TONSL: variants seen among roughly 807,000 people sequenced by gnomAD.
TONSL encodes tonsoku like, DNA repair protein.
TONSL carries 112 observed loss-of-function variants against 147.1 expected under a neutral mutation model. The observed-to-expected ratio is 0.76, with a 90% CI of 0.65 to 0.89. TONSL has a LOEUF of 0.89. Ranked by LOEUF, TONSL falls within the 40% of genes least tolerant of loss-of-function variation. TONSL has a pLI of 0.00. For missense variants in TONSL, 1,883 were observed against 1,864.6 expected (o/e 1.01, Z -0.18); for synonymous variants, 868 against 801.5 (o/e 1.08, Z -1.40).
chr8:144,441,169 C>A, intron 7 of TONSL, 58 bp from the exon 8 acceptor site: 1 of 1,592,886 alleles, frequency 6.3e-7, no homozygotes, highest in Non-Finnish European at 8.6e-7. Context: ...CCCAGCTCTA[C>A]CACCTGCAAG....
At position 144,440,092 on chromosome 8, in the gene TONSL, T is replaced by G. The variant is rs1033019360; in HGVS notation, c.1409A>C (p.Glu470Ala). 1.4e-5 allele frequency: 23 copies of G among 1,603,456 alleles called. No individual in the cohort carries two copies. In the Middle Eastern group the frequency reaches 9.9e-4, roughly 69 times the overall value. The change falls in exon 11 of 26, where the codon GAG becomes GCG. Residue 470 changes from glutamate to alanine, a missense_variant. Physicochemically the swap from Glu to Ala is moderately radical, Grantham distance 107 (BLOSUM62 -1). Coordinates refer to ENST00000409379, the MANE Select transcript of TONSL (RefSeq NM_013432.5). Reference sequence around the variant, plus strand: ...CGCTGTGGCTGCCGCCTCCTCCGCCTCCTCCTCCTCATCTTCATCTTCAGC... The same window carrying G: ...CGCTGTGGCTGCCGCCTCCTCCGCCGCCTCCTCCTCATCTTCATCTTCAGC... ...SVAEDEDEEE[E>A]AEEAAATAES... is the part of the protein sequence containing the mutation.
Position 144,443,211 on chromosome 8 carries a change from C to G in TONSL, c.375G>C (p.Gln125His). ...RTHLDIYDHC[Q>H]SRDALLQAQA... ...GTGCCTGCAGCAAAGCATCCCTCGA[C>G]TGGCAGTGGTCATAGATGTCCAGGT... The change falls in exon 4 of 26, where the codon CAG becomes CAC. Residue 125 changes from glutamine to histidine, a missense_variant. Coordinates refer to ENST00000409379, the MANE Select transcript of TONSL (RefSeq NM_013432.5). 1 of 1,550,830 alleles carries G rather than the reference C, an allele frequency of 6.4e-7. No individual in the cohort carries two copies. Among genetic ancestry groups the G allele is most frequent in the South Asian group, 1.2e-5 (1 of 84,066 alleles).
chr8:144,439,698 G>A (rs1823625469), intron 11 of TONSL: 1 of 402,124 alleles, frequency 2.5e-6, no homozygotes, highest in Non-Finnish European at 4.5e-6. Context: ...AAGGTGCTCA[G>A]CTCTTGCAGA....
intron 11 of TONSL, among the ~76,000 whole-genome samples, chr8:144,439,301 C>T (rs1359119039): frequency 6.6e-6 from 1 of 152,190 alleles, no homozygotes; most frequent in Admixed American, 6.5e-5. Context: ...CAGCTCCTCA[C>T]TGTGCCCACC....
At position 144,429,278 on chromosome 8, in the gene TONSL, G is replaced by A; in HGVS notation, c.4002C>T (p.Leu1334=). Residue 1334 remains leucine, a synonymous_variant, in exon 26 of 26, where the codon CTC becomes CTT. Coordinates refer to ENST00000409379, the MANE Select transcript of TONSL (RefSeq NM_013432.5). ...LGLWDKIAAQ[L]RELQLCSRRL... ...GTCTGCTGCACAGCTGCAGTTCCCG[G>A]AGCTGCGCGGCTATCTTGTCCCACA... The A allele has an allele frequency of 6.6e-7, 1 of 1,516,122 alleles. No homozygotes were observed. Among genetic ancestry groups the A allele is most frequent in the Non-Finnish European group, 8.8e-7 (1 of 1,130,284 alleles). 93.9% of individuals were successfully genotyped at this position (1,516,122 alleles called of 1,614,324 possible).
intron 25 of TONSL, 60 bp from the exon 26 acceptor site, chr8:144,429,396 G>T: frequency 4.5e-6 from 6 of 1,342,306 alleles, no homozygotes; most frequent in Non-Finnish European, 5.8e-6. Flanking sequence ...CCTGGTGCCC[G>T]CGGCAGGCTC....
chr8:144,435,348 G>C, intron 18 of TONSL, 126 bp downstream of exon 18: 1 of 1,227,346 alleles, frequency 8.1e-7, no homozygotes, highest in Non-Finnish European at 1.1e-6. Flanking sequence ...ATTCCTGGGG[G>C]CCACAGGATC....
Position 144,431,438 on chromosome 8 carries a change from G to A in TONSL, c.3736-287C>T, listed in dbSNP as rs545639760. Among the ~76,000 whole-genome samples the A allele has an allele frequency of 4.6e-5, 7 of 152,306 alleles. No individual in the cohort carries two copies. In the South Asian group the frequency reaches 6.2e-4, roughly 14 times the overall value. ...GGGGGGCAAGATCACCCTGAGTCCC[G>A]GGTCCTATCTGGTGGGCAGGAATTC... On this transcript the variant is annotated intron_variant, in intron 23 of 25. Transcript: ENST00000409379.
chr8:144,438,481 A>G lies in TONSL; in HGVS notation c.1643T>C (p.Leu548Pro). 6.2e-7 allele frequency: 1 copy of G among 1,612,730 alleles called. No individual in the cohort carries two copies. Among genetic ancestry groups the G allele is most frequent in the Non-Finnish European group, 8.5e-7 (1 of 1,179,826 alleles). Residue 548 changes from leucine to proline, a missense_variant, in exon 13 of 26, where the codon CTT becomes CCT. Coordinates refer to ENST00000409379, the MANE Select transcript of TONSL (RefSeq NM_013432.5). Reference protein sequence around the residue: ...IEGQLRRVQDLVRQGHPLNPR... With the variant: ...IEGQLRRVQDPVRQGHPLNPR... ...CAGAGCGGGGCCCACCTGCCTCACA[A>G]GGTCCTGGACGCGGCGCAGCTGGCC...
Position 144,435,645 on chromosome 8 carries a change from T to G in TONSL, c.2775+13A>C. ...AGTGGGGAGAGGGCTCTGCTCCAGG[T>G]CTGCATACCCACCAAGGGCTGGCCT... On this transcript the variant is annotated intron_variant, in intron 17 of 25. Coordinates refer to ENST00000409379, the MANE Select transcript of TONSL (RefSeq NM_013432.5). The G allele has an allele frequency of 6.3e-7, 1 of 1,593,726 alleles. No homozygotes were observed. The highest frequency in any genetic ancestry group is 1.8e-4 in the Middle Eastern group (1 of 5,698).
intron 13 of TONSL, chr8:144,438,255 TGCAGTG>T: frequency 1.7e-6 from 1 of 596,750 alleles, no homozygotes; most frequent in Non-Finnish European, 3.0e-6. Flanking sequence ...CAGGCTGGAG[TGCAGTG>T]GCATGATCGC....
chr8:144,439,582 G>C (rs1823622251), intron 11 of TONSL, among the ~76,000 whole-genome samples: 2 of 152,188 alleles, frequency 1.3e-5, no homozygotes, highest in African/African-American at 4.8e-5. Context: ...GGCCAAGATG[G>C]CTTCAGTCCA....
At chr8:144,433,305 T>C (rs938818956) in intron 22 of TONSL, 29 of 323,750 alleles carry the variant, frequency 9.0e-5, no homozygotes, top group Middle Eastern at 9.1e-4. Context: ...CTCGATATCC[T>C]GACCTCGTGA....
chr8:144,443,461 C>G, intron 3 of TONSL, 140 bp from the exon 4 acceptor site: 12 of 774,550 alleles, frequency 1.5e-5, no homozygotes. Flanking sequence ...AGGCCAGACA[C>G]GTGCCCCTCC....
Position 144,436,124 on chromosome 8 carries a change from G to A in TONSL, c.2309C>T (p.Ala770Val). 6.4e-7 allele frequency: 1 copy of A among 1,559,394 alleles called. No individual in the cohort carries two copies. The highest frequency in any genetic ancestry group is 8.6e-7 in the Non-Finnish European group (1 of 1,159,324). Residue 770 changes from alanine to valine, a missense_variant, in exon 17 of 26, where the codon GCA (alanine) becomes GTA (valine). Transcript: ENST00000409379. Reference protein sequence around the residue: ...PRCSATAQRVAAWTPGPASNR... With the variant: ...PRCSATAQRVVAWTPGPASNR... ...GCTGGCGGGGCCAGGCGTCCAGGCT[G>A]CCACCCGTTGTGCTGTGGCCGAGCA...
rs963807317 is a variant in TONSL at position 144,444,073 on chromosome 8, G to A, written c.122-49C>T. 10 of 1,389,364 alleles carry A rather than the reference G, an allele frequency of 7.2e-6. No individual in the cohort carries two copies. In the Admixed American group the frequency reaches 8.8e-5, roughly 12 times the overall value. The allele number at this position is 1,389,364 out of a possible 1,614,324, so 86.1% of individuals were successfully genotyped here. ...TGGCAGGCGTCGCGGGTGCGAGGGC[G>A]GCCCTGGGGCGGCGTCTGCCGGAAG... On this transcript the variant is annotated intron_variant, in intron 2 of 25. Coordinates refer to ENST00000409379, the MANE Select transcript of TONSL (RefSeq NM_013432.5).
At chr8:144,439,305 G>T (rs1367698579) in intron 11 of TONSL, among the ~76,000 whole-genome samples, 6 of 152,058 alleles carry the variant, frequency 3.9e-5, no homozygotes, top group Non-Finnish European at 8.8e-5. Context: ...TCCTCACTGT[G>T]CCCACCAGCT....
intron 3 of TONSL, 63 bp from the exon 4 acceptor site, chr8:144,443,384 G>C: frequency 1.4e-6 from 2 of 1,451,126 alleles, no homozygotes; most frequent in Admixed American, 2.0e-5. Flanking sequence ...GGCACCGCCA[G>C]ATTCCCAGAG....
At chr8:144,440,896 G>C in intron 8 of TONSL, 26 bp from the exon 9 acceptor site, 1 of 1,612,550 alleles carries the variant, frequency 6.2e-7, no homozygotes, top group Non-Finnish European at 8.5e-7. Context: ...GTGAGGCCAG[G>C]GGCTGCCACC....
Sources: allele counts gnomAD v4.1 joint callset (sites outside exome capture counted in the v4.1 genomes callset), GRCh38; gene constraint gnomAD v4.1.1; transcripts MANE v1.5; gene names NCBI Gene and HGNC (gene_info 2026-07-23, HGNC 2026-07-21).